Variants in HDGFL3 observed in about 807,000 individuals in gnomAD.
HDGFL3 encodes the protein HDGF like 3, also known as hepatoma-derived growth factor-related protein 3.
Under a neutral mutation model 27.6 loss-of-function variants are expected in HDGFL3, and 6 were observed. That is an observed-to-expected ratio of 0.22 (90% CI 0.12 to 0.43). The LOEUF is 0.43. HDGFL3 is among the 20% of genes least tolerant of loss of function. The pLI is 1.00. For synonymous variants in HDGFL3, 88 were observed against 88.9 expected (o/e 0.99, Z 0.05); for missense variants, 207 against 250.1 (o/e 0.83, Z 1.16).
chr15:83,163,840 A>G, intron 2 of HDGFL3, 159 bp downstream of exon 2: 1 of 586,584 alleles, frequency 1.7e-6, no homozygotes, highest in Non-Finnish European at 3.0e-6. Flanking sequence ...TTCTATCATG[A>G]AAACTATTTA....
At chr15:83,139,595 T>C (rs2036726696) in intron 5 of HDGFL3, among the ~76,000 whole-genome samples, 2 of 151,598 alleles carry the variant, frequency 1.3e-5, no homozygotes, top group Admixed American at 1.3e-4. Context: ...CTGGAATACA[T>C]CATCAGTGGA....
At chr15:83,194,746 C>T (rs1427112915) in intron 1 of HDGFL3, among the ~76,000 whole-genome samples, 5 of 152,086 alleles carry the variant, frequency 3.3e-5, no homozygotes, top group Admixed American at 6.5e-5. Context: ...TGGGTGCAGA[C>T]GGCAATGAAT....
intron 4 of HDGFL3, among the ~76,000 whole-genome samples, chr15:83,152,341 A>C (rs894552268): frequency 2.6e-5 from 4 of 152,136 alleles, no homozygotes; most frequent in African/African-American, 9.7e-5. Flanking sequence ...GGATCACCTA[A>C]GTAAGGTCAG....
At position 83,133,955 on chromosome 15, in the gene HDGFL3, G is replaced by T. The variant is rs1236147835; in HGVS notation, c.*5315C>A. 1.3e-5 allele frequency: 2 copies of T among 152,144 alleles called. No homozygotes were observed. The highest frequency in any genetic ancestry group is 4.8e-5 in the African/African-American group (2 of 41,432). The allele number at this position is 152,144 out of a possible 1,614,324, so 9.4% of individuals were successfully genotyped here. ...CAGTACTGGGAGCTGCACACCACTGGCCTTAGAGTTCTTCTCTCACATACA... is the reference window on the plus strand; with the variant it reads ...CAGTACTGGGAGCTGCACACCACTGTCCTTAGAGTTCTTCTCTCACATACA... On this transcript the variant is annotated 3_prime_UTR_variant, in exon 6 of 6. Coordinates refer to ENST00000299633, the MANE Select transcript of HDGFL3 (RefSeq NM_016073.4).
At chr15:83,143,023 CTT>C (rs774809275) in intron 5 of HDGFL3, among the ~76,000 whole-genome samples, 1 of 149,434 alleles carries the variant, frequency 6.7e-6, no homozygotes, top group Non-Finnish European at 1.5e-5. Context: ...CCCTTAATAA[CTT>C]TTTTTTTTGA....
intron 1 of HDGFL3, among the ~76,000 whole-genome samples, chr15:83,168,211 G>T (rs1037743361): frequency 2.6e-5 from 4 of 152,082 alleles, no homozygotes; most frequent in African/African-American, 9.7e-5. Flanking sequence ...ATACTAGAAA[G>T]ATCTCAAAAT....
At chr15:83,194,710 C>A (rs2151421105) in intron 1 of HDGFL3, among the ~76,000 whole-genome samples, 1 of 152,294 alleles carries the variant, frequency 6.6e-6, no homozygotes, top group Non-Finnish European at 1.5e-5. Context: ...TATCTCCTTT[C>A]ACTTCCTCCT....
chr15:83,191,996 C>A (rs2037516465), intron 1 of HDGFL3, among the ~76,000 whole-genome samples: 2 of 135,644 alleles, frequency 1.5e-5, no homozygotes, highest in Admixed American at 1.7e-4. Flanking sequence ...GGCTGGAATG[C>A]AATAGTGCAA....
intron 1 of HDGFL3, among the ~76,000 whole-genome samples, chr15:83,181,412 A>T (rs908028426): frequency 1.3e-5 from 2 of 152,248 alleles, no homozygotes; most frequent in Non-Finnish European, 2.9e-5. Flanking sequence ...TCGAATAGTT[A>T]AAAGTGAGGC....
intron 1 of HDGFL3, among the ~76,000 whole-genome samples, chr15:83,170,940 C>T (rs551811441): frequency 2.0e-5 from 3 of 149,574 alleles, no homozygotes; most frequent in African/African-American, 7.3e-5. Context: ...AAACACTTCT[C>T]AAAAGAAGAC....
intron 5 of HDGFL3, among the ~76,000 whole-genome samples, chr15:83,140,605 C>T (rs2151392800): frequency 6.6e-6 from 1 of 151,948 alleles, no homozygotes; most frequent in Admixed American, 6.6e-5. Flanking sequence ...CCTCAGCCTC[C>T]TGAGTAGCTG....
At chr15:83,189,997 G>A (rs1345730243) in intron 1 of HDGFL3, among the ~76,000 whole-genome samples, 2 of 152,034 alleles carry the variant, frequency 1.3e-5, no homozygotes, top group Non-Finnish European at 2.9e-5. Context: ...CTTGAGCCCA[G>A]GAGCTCAAGA....
chr15:83,175,746 G>T lies in HDGFL3; in HGVS notation c.85-11671C>A, dbSNP rs561790127. On this transcript the variant is annotated intron_variant, in intron 1 of 5. Transcript: ENST00000299633. Reference sequence around the variant, plus strand: ...GTGGTGGCGGGCACCTGTAGTCCCAGCTACTCGGGAGGCTGAGGCAGGAGA... The same window carrying T: ...GTGGTGGCGGGCACCTGTAGTCCCATCTACTCGGGAGGCTGAGGCAGGAGA... 6.6e-5 allele frequency among the ~76,000 whole-genome samples: 10 copies of T among 152,322 alleles called. No homozygotes were observed. In the South Asian group the frequency reaches 2.1e-3, roughly 32 times the overall value.
intron 1 of HDGFL3, among the ~76,000 whole-genome samples, chr15:83,203,378 T>C: frequency 6.6e-6 from 1 of 152,060 alleles, no homozygotes; most frequent in South Asian, 2.1e-4. Context: ...ATTCAGATGG[T>C]TATGTTTATT....
At chr15:83,198,266 C>G (rs1428576713) in intron 1 of HDGFL3, among the ~76,000 whole-genome samples, 1 of 151,940 alleles carries the variant, frequency 6.6e-6, no homozygotes, top group Non-Finnish European at 1.5e-5. Context: ...GTGGCTACAG[C>G]AGAATAAAAA....
At chr15:83,166,189 T>C (rs2037170221) in intron 1 of HDGFL3, among the ~76,000 whole-genome samples, 2 of 152,016 alleles carry the variant, frequency 1.3e-5, no homozygotes, top group Non-Finnish European at 2.9e-5. Context: ...AAAAAAATAT[T>C]GAAGGCAGCT....
In HDGFL3 at chr15:83,135,940, G is replaced by A. The variant is rs1371453925; in HGVS notation, c.*3330C>T. The stretch of plus-strand genomic sequence containing the variant: ...ATAAACAAAAAACACATAGGGAAAG[G>A]GTATGAGCTCTTGCTGCAAGGAGTA... On this transcript the variant is annotated 3_prime_UTR_variant, in exon 6 of 6. Coordinates refer to ENST00000299633, the MANE Select transcript of HDGFL3 (RefSeq NM_016073.4). The A allele has an allele frequency of 1.3e-5, 2 of 152,018 alleles. No individual in the cohort carries two copies. The highest frequency in any genetic ancestry group is 4.8e-5 in the African/African-American group (2 of 41,372). 9.4% of individuals were successfully genotyped at this position (152,018 alleles called of 1,614,324 possible).
At chr15:83,123,308 A>G (rs926945519), downstream of HDGFL3, among the ~76,000 whole-genome samples, 1 of 152,178 alleles carries the variant, frequency 6.6e-6, no homozygotes, top group Non-Finnish European at 1.5e-5. Flanking sequence ...CTACACAGCC[A>G]TACAATCTTG....
At chr15:83,146,982 G>A (rs868136496) in intron 5 of HDGFL3, among the ~76,000 whole-genome samples, 12 of 151,920 alleles carry the variant, frequency 7.9e-5, no homozygotes, top group African/African-American at 2.4e-4. Context: ...ACCTGTATCC[G>A]TGCCCAAATA....
Sources: gnomAD v4.1 joint callset for allele counts (sites outside exome capture counted in the v4.1 genomes callset) on GRCh38, gnomAD v4.1.1 for gene constraint, MANE v1.5 for transcripts, NCBI Gene and HGNC (gene_info 2026-07-23, HGNC 2026-07-21) for gene names.